IMPG1: variants seen among roughly 807,000 people sequenced by gnomAD.
IMPG1 encodes interphotoreceptor matrix proteoglycan of 150 kDa.
In IMPG1, 85 loss-of-function variants were observed where a neutral mutation model predicts 92.0. The observed-to-expected ratio is 0.92, with a 90% CI of 0.78 to 1.11. The LOEUF is 1.11. IMPG1 is among the 50% of genes least tolerant of loss of function. The pLI, the probability that IMPG1 is intolerant of heterozygous loss-of-function variation, is 0.00. For missense variants in IMPG1, 1,022 were observed against 956.0 expected (o/e 1.07, Z -0.91); for synonymous variants, 367 against 334.1 (o/e 1.10, Z -1.08).
chr6:76,024,782 A>G (rs940248251), intron 5 of IMPG1: 1 of 306,450 alleles, frequency 3.3e-6, no homozygotes, highest in Non-Finnish European at 6.3e-6. Context: ...TATGGATGCA[A>G]CAGAATGTTG....
intron 1 of IMPG1, among the ~76,000 whole-genome samples, chr6:76,053,715 C>T (rs932198131): frequency 1.3e-5 from 2 of 152,122 alleles, no homozygotes; most frequent in Admixed American, 6.6e-5. Context: ...ATATCAGAGT[C>T]GGCTCTAATT....
intron 12 of IMPG1, among the ~76,000 whole-genome samples, chr6:75,955,972 C>A (rs1356476929): frequency 6.6e-6 from 1 of 152,114 alleles, no homozygotes; most frequent in Non-Finnish European, 1.5e-5. Flanking sequence ...GGTGGATGAG[C>A]TTTTTGATGT....
intron 12 of IMPG1, among the ~76,000 whole-genome samples, chr6:75,995,158 A>G (rs906440036): frequency 6.6e-6 from 1 of 152,124 alleles, no homozygotes; most frequent in Non-Finnish European, 1.5e-5. Context: ...AATAAAATCA[A>G]TTCACTTCTA....
At chr6:76,052,461 A>G (rs566871506) in intron 1 of IMPG1, among the ~76,000 whole-genome samples, 2 of 152,334 alleles carry the variant, frequency 1.3e-5, no homozygotes, top group East Asian at 3.9e-4. Flanking sequence ...AATGACGTAC[A>G]TTAACATTTA....
At chr6:75,988,249 G>A (rs1384645193) in intron 12 of IMPG1, among the ~76,000 whole-genome samples, 8 of 152,186 alleles carry the variant, frequency 5.3e-5, no homozygotes, top group Admixed American at 3.9e-4. Context: ...CAGTGTAAAA[G>A]CATTCCTATT....
chr6:76,002,706 T>C (rs546041954), intron 12 of IMPG1, among the ~76,000 whole-genome samples: 1 of 152,306 alleles, frequency 6.6e-6, no homozygotes, highest in Non-Finnish European at 1.5e-5. Context: ...GCTGTAGGAC[T>C]GGGAACTAGA....
intron 6 of IMPG1, 54 bp from the exon 7 acceptor site, chr6:76,018,912 G>A: frequency 6.8e-7 from 1 of 1,472,394 alleles, no homozygotes; most frequent in Admixed American, 2.2e-5. Flanking sequence ...ACAAATAAAT[G>A]GTTATTTTAG....
intron 11 of IMPG1, among the ~76,000 whole-genome samples, 186 bp downstream of exon 11, chr6:76,003,688 A>G (rs1783040259): frequency 6.6e-6 from 1 of 152,202 alleles, no homozygotes; most frequent in Non-Finnish European, 1.5e-5. Context: ...TGCAAGTTGT[A>G]TTATATTTTA....
In IMPG1 at chr6:76,028,916, C is replaced by T. The variant is rs118168439; in HGVS notation, c.498-3658G>A. Among the ~76,000 whole-genome samples the T allele has an allele frequency of 5.7e-3, 870 of 152,332 alleles. 34 individuals are homozygous for T. The East Asian group carries it at 0.091, about 16-fold the overall frequency. ...GGTTCCTTTCGAATTTGGAAACTAT[C>T]TGTGAGTATTCTTAACTTACGGCAA... On this transcript the variant is annotated intron_variant, in intron 4 of 16. Coordinates refer to ENST00000369950, the MANE Select transcript of IMPG1 (RefSeq NM_001563.4).
chr6:76,055,061 C>G (rs1213948423), intron 1 of IMPG1, among the ~76,000 whole-genome samples: 3 of 151,830 alleles, frequency 2.0e-5, no homozygotes, highest in Admixed American at 6.6e-5. Context: ...AAAACATGCT[C>G]AAGCCTGACC....
intron 14 of IMPG1, among the ~76,000 whole-genome samples, chr6:75,942,361 G>T (rs1049770764): frequency 6.2e-4 from 95 of 152,196 alleles, no homozygotes; most frequent in African/African-American, 2.1e-3. Context: ...AATCAGGGCC[G>T]TTCCTGTATT....
intron 7 of IMPG1, among the ~76,000 whole-genome samples, chr6:76,011,806 A>G (rs572411626): frequency 1.5e-5 from 2 of 137,208 alleles, no homozygotes; most frequent in Non-Finnish European, 3.0e-5. Context: ...TCATTGTTCA[A>G]TTCCCACCTA....
chr6:75,931,679 C>T (rs1213185389), intron 14 of IMPG1, among the ~76,000 whole-genome samples: 1 of 151,940 alleles, frequency 6.6e-6, no homozygotes, highest in South Asian at 2.1e-4. Context: ...ATATAAATTT[C>T]TCTTGGTCTC....
At chr6:75,949,854 A>T (rs995364332) in intron 13 of IMPG1, among the ~76,000 whole-genome samples, 3 of 152,162 alleles carry the variant, frequency 2.0e-5, no homozygotes, top group Non-Finnish European at 2.9e-5. Flanking sequence ...GAAGTATAAA[A>T]TTTTTTATTT....
chr6:76,045,959 T>G (rs1239682936), intron 1 of IMPG1, among the ~76,000 whole-genome samples: 1 of 152,098 alleles, frequency 6.6e-6, no homozygotes, highest in African/African-American at 2.4e-5. Flanking sequence ...AGACTGGAAA[T>G]TTTTTTGAGG....
At chr6:76,035,029 T>C (rs762201081) in intron 2 of IMPG1, among the ~76,000 whole-genome samples, 1 of 151,940 alleles carries the variant, frequency 6.6e-6, no homozygotes. Flanking sequence ...TGTGTGTGTG[T>C]GTGCAAAACT....
chr6:76,031,212 A>G (rs938424635), intron 4 of IMPG1, among the ~76,000 whole-genome samples: 1 of 152,238 alleles, frequency 6.6e-6, no homozygotes, highest in African/African-American at 2.4e-5. Context: ...ATAAGCAAGT[A>G]GGTCCCAAAG....
rs573139442 is a variant in IMPG1, at chr6:76,070,731, C to T, written c.67+1691G>A. Among the ~76,000 whole-genome samples the T allele has an allele frequency of 4.6e-5, 7 of 152,154 alleles. No homozygotes were observed. The East Asian group carries it at 5.8e-4, about 13-fold the overall frequency. The stretch of plus-strand genomic sequence containing the variant: ...CTAAGAAACAGAAAGTCAAATATCA[C>T]GTGGTCTCATTTATAAGTGGGAGCT... On this transcript the variant is annotated intron_variant, in intron 1 of 16. Transcript: ENST00000369950.
chr6:75,985,454 CTT>C (rs1289603120), intron 12 of IMPG1, among the ~76,000 whole-genome samples: 2 of 152,080 alleles, frequency 1.3e-5, no homozygotes, highest in African/African-American at 4.8e-5. Flanking sequence ...GAGATCATAA[CTT>C]TAAACAGATT....
Sources: gnomAD v4.1 joint callset for allele counts (sites outside exome capture counted in the v4.1 genomes callset) on GRCh38, gnomAD v4.1.1 for gene constraint, MANE v1.5 for transcripts, NCBI Gene and HGNC (gene_info 2026-07-23, HGNC 2026-07-21) for gene names.